SOD2: variants seen among roughly 807,000 people sequenced by gnomAD.
SOD2 encodes superoxide dismutase 2, also known as superoxide dismutase [Mn], mitochondrial.
Under a neutral mutation model 27.0 loss-of-function variants are expected in SOD2, and 11 were observed. The observed-to-expected ratio is 0.41, with a 90% CI of 0.26 to 0.67. SOD2 has a LOEUF of 0.67. Among genes scored for constraint, SOD2 ranks in the 30% least tolerant of loss-of-function variants. SOD2 has a pLI of 0.34. For missense variants in SOD2, 250 were observed against 274.5 expected (o/e 0.91, Z 0.63); for synonymous variants, 105 against 103.0 (o/e 1.02, Z -0.12).
chr6:159,686,766 G>C (rs1780205691), intron 3 of SOD2, among the ~76,000 whole-genome samples: 1 of 152,116 alleles, frequency 6.6e-6, no homozygotes, highest in South Asian at 2.1e-4. Flanking sequence ...CATAAGATAG[G>C]CTGCCTTCCA....
chr6:159,718,569 T>A (rs548452814), intron 1 of SOD2, among the ~76,000 whole-genome samples: 1 of 152,344 alleles, frequency 6.6e-6, no homozygotes, highest in African/African-American at 2.4e-5. Flanking sequence ...ATTATAATTT[T>A]AAAAATCTAA....
At chr6:159,740,464 C>G (rs1779184776) in intron 1 of SOD2, among the ~76,000 whole-genome samples, 2 of 152,160 alleles carry the variant, frequency 1.3e-5, no homozygotes, top group Admixed American at 6.5e-5. Flanking sequence ...TCTGTGCCTT[C>G]TATCCTTGTG....
At chr6:159,714,011 G>GC in intron 1 of SOD2, 1 of 735,800 alleles carries the variant, frequency 1.4e-6, no homozygotes, top group Non-Finnish European at 2.3e-6. Flanking sequence ...GCTCTTGGTG[G>GC]CAAGTTTGGC....
At chr6:159,740,825 C>A (rs573474813) in intron 1 of SOD2, among the ~76,000 whole-genome samples, 1 of 152,078 alleles carries the variant, frequency 6.6e-6, no homozygotes, top group South Asian at 2.1e-4. Flanking sequence ...CCTCAGCCTC[C>A]CAAGTAGCTG....
chr6:159,702,851 A>G (rs1260181989), intron 1 of SOD2, among the ~76,000 whole-genome samples: 1 of 13,736 alleles, frequency 7.3e-5, no homozygotes, highest in Non-Finnish European at 2.1e-4. Flanking sequence ...CCCTATCTCG[A>G]AAAAAAAAAA....
At chr6:159,731,314 A>G (rs1778555914), upstream of SOD2, among the ~76,000 whole-genome samples, 2 of 151,760 alleles carry the variant, frequency 1.3e-5, no homozygotes, top group Non-Finnish European at 1.5e-5. Context: ...GAAAAAAAAA[A>G]CAAATTAGCT....
chr6:159,739,448 TAA>T (rs1779110121), intron 1 of SOD2, among the ~76,000 whole-genome samples: 1 of 152,242 alleles, frequency 6.6e-6, no homozygotes, highest in South Asian at 2.1e-4. Context: ...TTCTCATCTG[TAA>T]GTTGAAGAGG....
intron 1 of SOD2, among the ~76,000 whole-genome samples, chr6:159,705,385 C>T (rs1476451292): frequency 2.6e-5 from 4 of 152,126 alleles, no homozygotes; most frequent in African/African-American, 7.2e-5. Flanking sequence ...AAAGATTAGA[C>T]GAATGGCTAA....
At chr6:159,721,459 C>G (rs1337964663) in intron 1 of SOD2, among the ~76,000 whole-genome samples, 3 of 152,084 alleles carry the variant, frequency 2.0e-5, no homozygotes, top group Non-Finnish European at 4.4e-5. Flanking sequence ...ACCTCCATCT[C>G]CTGGGTTCAA....
intron 1 of SOD2, among the ~76,000 whole-genome samples, chr6:159,721,424 A>C (rs1461359747): frequency 6.6e-6 from 1 of 151,102 alleles, no homozygotes; most frequent in Non-Finnish European, 1.5e-5. Context: ...GCTGGAGTGC[A>C]ATGGTGCGAT....
intron 2 of SOD2, among the ~76,000 whole-genome samples, chr6:159,688,594 T>G (rs1780303889): frequency 1.3e-5 from 2 of 152,078 alleles, no homozygotes; most frequent in Admixed American, 1.3e-4. Flanking sequence ...CAGAAAACCT[T>G]CAACTCTCAC....
intron 1 of SOD2, among the ~76,000 whole-genome samples, chr6:159,711,369 A>AC (rs762473745): frequency 3.3e-3 from 43 of 12,882 alleles, no homozygotes; most frequent in Non-Finnish European, 4.3e-3. Context: ...ACCACCACTC[A>AC]ACAGCTCTGA....
chr6:159,703,270 C>T (rs1396047613), intron 1 of SOD2, among the ~76,000 whole-genome samples: 4 of 152,246 alleles, frequency 2.6e-5, no homozygotes, highest in South Asian at 2.1e-4. Flanking sequence ...GCCAAGATTG[C>T]GCCATTGCAC....
intron 1 of SOD2, chr6:159,755,781 T>TTTTTTG: frequency 9.5e-7 from 1 of 1,051,288 alleles, no homozygotes; most frequent in Non-Finnish European, 1.2e-6. Flanking sequence ...TTTTTTTTTT[T>TTTTTTG]TTTTTTTTTG....
upstream of SOD2, chr6:159,727,469 TGCGGCGGGGCGGGGCCGG>T (rs1043701181): frequency 6.1e-5 from 58 of 956,724 alleles, no homozygotes; most frequent in East Asian, 1.4e-3. Context: ...AGCGGAGCCG[TGCGGCGGGGCGGGGCCGG>T]GCGGCGGGGC....
At chr6:159,688,265 CATTTT>C in intron 2 of SOD2, 23 bp from the exon 3 acceptor site, 4 of 1,441,828 alleles carry the variant, frequency 2.8e-6, no homozygotes, top group Non-Finnish European at 3.9e-6. Flanking sequence ...AATGCAAACA[CATTTT>C]TTTGTAACTC....
chr6:159,735,037 T>C (rs1370414363), intron 1 of SOD2, among the ~76,000 whole-genome samples: 1 of 152,206 alleles, frequency 6.6e-6, no homozygotes, highest in East Asian at 1.9e-4. Context: ...GTTAAGTGAA[T>C]TTTGTATAAT....
upstream of SOD2, chr6:159,730,815 TTACAAA>T (rs1342253720): frequency 2.6e-5 from 4 of 152,194 alleles, no homozygotes; most frequent in Non-Finnish European, 4.4e-5. Flanking sequence ...CTGACTTACA[TTACAAA>T]TACAGAGTTT....
rs574539490 is a variant in SOD2 at position 159,672,269 on chromosome 6, C to G, written c.*10224G>C. 1.2e-4 allele frequency: 18 copies of G among 152,220 alleles called. No homozygotes were observed. Among genetic ancestry groups the G allele is most frequent in the Non-Finnish European group, 2.4e-4 (16 of 68,016 alleles). 9.4% of individuals were successfully genotyped at this position (152,220 alleles called of 1,614,324 possible). On this transcript the variant is annotated 3_prime_UTR_variant, in exon 5 of 5. Transcript: ENST00000538183. ...CCACAAAGATACTCCTCGAGAAGAGCAACTCCAAGACACATAATTGTCAGA... is the reference window on the plus strand; with the variant it reads ...CCACAAAGATACTCCTCGAGAAGAGGAACTCCAAGACACATAATTGTCAGA...
Sources: gnomAD v4.1 joint callset for allele counts (sites outside exome capture counted in the v4.1 genomes callset) on GRCh38, gnomAD v4.1.1 for gene constraint, MANE v1.5 for transcripts, NCBI Gene and HGNC (gene_info 2026-07-23, HGNC 2026-07-21) for gene names.